Variants in TMED5 observed in about 807,000 individuals in gnomAD.
TMED5 encodes transmembrane emp24 domain-containing protein 5.
TMED5 carries 27 observed loss-of-function variants against 23.0 expected under a neutral mutation model. The ratio of observed to expected loss-of-function variants is 1.17; its 90% CI spans 0.86 to 1.62. The LOEUF is 1.62. Among genes scored for constraint, TMED5 ranks in the 40% most tolerant of loss-of-function variants. The pLI, the probability that TMED5 is intolerant of heterozygous loss-of-function variation, is 0.00. For synonymous variants in TMED5, 97 were observed against 100.8 expected (o/e 0.96, Z 0.23); for missense variants, 248 against 273.7 (o/e 0.91, Z 0.66).
In TMED5 at chr1:93,160,127, AC is replaced by A. The variant is rs768696126; in HGVS notation, c.287+1del. ...GAAACTCAACTAAAAGAGATTACTT[AC>A]GTGTGAACTCCATCTGATTTTCTTT... On this transcript the variant is annotated splice_donor_variant, in intron 2 of 3. Coordinates refer to ENST00000370282, the MANE Select transcript of TMED5 (RefSeq NM_016040.5). LOFTEE classifies it high-confidence loss of function. 1.7e-5 allele frequency: 27 copies of A among 1,596,612 alleles called. No individual in the cohort carries two copies. The highest frequency in any genetic ancestry group is 1.9e-5 in the Non-Finnish European group (22 of 1,164,966).
intron 1 of TMED5, 51 bp downstream of exon 1, chr1:93,180,003 C>T (rs1465095112): frequency 3.2e-6 from 5 of 1,558,790 alleles, no homozygotes; most frequent in African/African-American, 2.7e-5. Context: ...GAGGCGACAA[C>T]GCAGTGCAGC....
At chr1:93,169,172 C>T (rs1648610806) in intron 1 of TMED5, among the ~76,000 whole-genome samples, 1 of 152,180 alleles carries the variant, frequency 6.6e-6, no homozygotes, top group African/African-American at 2.4e-5. Flanking sequence ...ATGGAACATT[C>T]ACCAACACAG....
intron 1 of TMED5, among the ~76,000 whole-genome samples, chr1:93,172,681 G>T (rs1268306988): frequency 6.6e-6 from 1 of 151,820 alleles, no homozygotes; most frequent in African/African-American, 2.4e-5. Flanking sequence ...ACAGCCCTAT[G>T]GAAAACAATA....
At position 93,154,868 on chromosome 1, in the gene TMED5, CTTG is replaced by C. The variant is rs749226870; in HGVS notation, c.489_491del (p.Ile163_Lys164delinsMet). 8.7e-6 allele frequency: 14 copies of C among 1,608,756 alleles called. No homozygotes were observed. Among genetic ancestry groups the C allele is most frequent in the Non-Finnish European group, 1.2e-5 (14 of 1,176,462 alleles). On this transcript the variant is annotated inframe_deletion, in exon 4 of 4. Transcript: ENST00000370282. ...TGTGCCCACTTTTGCTTAGTCTGGA[CTTG>C]ATGCTGTTGATGGATTCCTGGAGAT...
At position 93,154,406 on chromosome 1, in the gene TMED5, G is replaced by A. The variant is rs1165018671; in HGVS notation, c.*264C>T. 2 of 414,550 alleles carry A rather than the reference G, an allele frequency of 4.8e-6. No homozygotes were observed. 25.7% of individuals were successfully genotyped at this position (414,550 alleles called of 1,614,324 possible). A position where few individuals can be genotyped will look rare whatever the true frequency, so the allele number is the denominator to read the frequency against. On this transcript the variant is annotated 3_prime_UTR_variant, in exon 4 of 4. Coordinates refer to ENST00000370282, the MANE Select transcript of TMED5 (RefSeq NM_016040.5). Reference sequence around the variant, plus strand: ...TAAGACATTTGCAAAATTTTTCAAAGTTAGGAAAATGCAGTTATTAATATG... The same window carrying A: ...TAAGACATTTGCAAAATTTTTCAAAATTAGGAAAATGCAGTTATTAATATG...
intron 1 of TMED5, among the ~76,000 whole-genome samples, chr1:93,174,056 CAA>C (rs1648822996): frequency 6.6e-6 from 1 of 152,046 alleles, no homozygotes; most frequent in Non-Finnish European, 1.5e-5. Flanking sequence ...TTTCCGGGTT[CAA>C]GTGATTCTCC....
intron 1 of TMED5, among the ~76,000 whole-genome samples, chr1:93,163,903 A>T (rs1297367324): frequency 6.6e-6 from 1 of 150,718 alleles, no homozygotes; most frequent in African/African-American, 2.4e-5. Context: ...GAATTGCTTG[A>T]GCCCGGGAGG....
At chr1:93,179,993 G>A in intron 1 of TMED5, 61 bp downstream of exon 1, 1 of 1,525,196 alleles carries the variant, frequency 6.6e-7, no homozygotes, top group Non-Finnish European at 8.9e-7. Context: ...AAACGGGTGA[G>A]AGGCGACAAC....
chr1:93,171,340 T>C (rs1390755153), intron 1 of TMED5, among the ~76,000 whole-genome samples: 1 of 152,188 alleles, frequency 6.6e-6, no homozygotes, highest in Non-Finnish European at 1.5e-5. Flanking sequence ...CTTTAAGAAC[T>C]GTAACACTCA....
intron 1 of TMED5, chr1:93,160,574 T>C (rs547754275): frequency 1.1e-4 from 19 of 171,562 alleles, no homozygotes; most frequent in Admixed American, 1.7e-4. Context: ...ACTTAGGCAA[T>C]TGGCAGGGCG....
At chr1:93,161,324 C>CAAGCAATGTAA in intron 1 of TMED5, 1 of 152,034 alleles carries the variant, frequency 6.6e-6, no homozygotes, top group African/African-American at 2.4e-5. Flanking sequence ...AAAAAATAAA[C>CAAGCAATGTAA]CAAAGTGATA....
At chr1:93,172,328 T>C (rs1350735590) in intron 1 of TMED5, among the ~76,000 whole-genome samples, 1 of 151,948 alleles carries the variant, frequency 6.6e-6, no homozygotes, top group Non-Finnish European at 1.5e-5. Context: ...AAAAAACCCG[T>C]CCCGGAACTA....
At chr1:93,159,590 A>G (rs1005734600) in intron 2 of TMED5, among the ~76,000 whole-genome samples, 10 of 152,222 alleles carry the variant, frequency 6.6e-5, no homozygotes, top group Non-Finnish European at 1.5e-4. Flanking sequence ...AAAGAGTTAT[A>G]ACAAGTATTT....
chr1:93,162,216 G>A (rs1449158550), intron 1 of TMED5: 4 of 151,580 alleles, frequency 2.6e-5, no homozygotes, highest in Non-Finnish European at 4.4e-5. Context: ...TGCTTTTATT[G>A]TTCAACAGAA....
chr1:93,163,578 A>G (rs1648372547), intron 1 of TMED5, among the ~76,000 whole-genome samples: 1 of 151,810 alleles, frequency 6.6e-6, no homozygotes, highest in Non-Finnish European at 1.5e-5. Context: ...CCTGACCTCA[A>G]GTGATCCGCC....
chr1:93,165,543 A>G (rs1377086531), intron 1 of TMED5, among the ~76,000 whole-genome samples: 2 of 152,212 alleles, frequency 1.3e-5, no homozygotes, highest in South Asian at 2.1e-4. Context: ...TTGCAAATCT[A>G]GGGCAAATTT....
In TMED5 at chr1:93,176,296, C is replaced by G. The variant is rs190772174; in HGVS notation, c.189+3758G>C. On this transcript the variant is annotated intron_variant, in intron 1 of 3. Coordinates refer to ENST00000370282, the MANE Select transcript of TMED5 (RefSeq NM_016040.5). ...CTTTTTTACCCATTGTCTCGTACCACTCATTCCATTATGCCTAGTGAAAGT... is the reference window on the plus strand; with the variant it reads ...CTTTTTTACCCATTGTCTCGTACCAGTCATTCCATTATGCCTAGTGAAAGT... 5.9e-5 allele frequency among the ~76,000 whole-genome samples: 9 copies of G among 152,230 alleles called. No individual in the cohort carries two copies. In the East Asian group the frequency reaches 1.5e-3, roughly 26 times the overall value.
intron 3 of TMED5, chr1:93,156,043 C>T (rs778073815): frequency 1.4e-6 from 2 of 1,455,108 alleles, no homozygotes; most frequent in South Asian, 3.0e-5. Context: ...TACCAAGATG[C>T]AGTCTTATTT....
At position 93,154,871 on chromosome 1, in the gene TMED5, G is replaced by A; in HGVS notation, c.489C>T (p.Ile163=). The change falls in exon 4 of 4, where the codon ATC becomes ATT. Residue 163 remains isoleucine, a synonymous_variant. Transcript: ENST00000370282. ...LEDILESINS[I]KSRLSKSGHI... ...GCCCACTTTTGCTTAGTCTGGACTTGATGCTGTTGATGGATTCCTGGAGAT... is the reference window on the plus strand; with the variant it reads ...GCCCACTTTTGCTTAGTCTGGACTTAATGCTGTTGATGGATTCCTGGAGAT... The A allele has an allele frequency of 1.9e-6, 3 of 1,600,262 alleles. No individual in the cohort carries two copies. The South Asian group carries it at 3.4e-5, about 18-fold the overall frequency.
Sources: allele counts gnomAD v4.1 joint callset (sites outside exome capture counted in the v4.1 genomes callset), GRCh38; gene constraint gnomAD v4.1.1; transcripts MANE v1.5; gene names NCBI Gene and HGNC (gene_info 2026-07-23, HGNC 2026-07-21).